UBXN4: variants seen among roughly 807,000 people sequenced by gnomAD.
The protein encoded by UBXN4 is UBX domain protein 4, also known as UBX domain-containing protein 4.
In UBXN4, 35 loss-of-function variants were observed where a neutral mutation model predicts 66.2. The observed-to-expected ratio is 0.53, with a 90% confidence interval of 0.40 to 0.70. UBXN4 has a LOEUF of 0.70. Ranked by LOEUF, UBXN4 falls within the 30% of genes least tolerant of loss-of-function variation. The pLI is 0.00. For missense variants in UBXN4, 533 were observed against 599.8 expected, an observed-to-expected ratio of 0.89 and a Z score of 1.16; for synonymous variants, 203 against 204.5, an observed-to-expected ratio of 0.99 and a Z score of 0.06.
intron 10 of UBXN4, among the ~76,000 whole-genome samples, chr2:135,776,916 T>C (rs911169314): frequency 2.0e-5 from 3 of 152,184 alleles, no homozygotes; most frequent in Admixed American, 6.5e-5. Flanking sequence ...TTTCACTGAT[T>C]AGTAGACTCA....
At chr2:135,757,077 C>G (rs1298326591) in intron 5 of UBXN4, among the ~76,000 whole-genome samples, 2 of 152,168 alleles carry the variant, frequency 1.3e-5, no homozygotes, top group African/African-American at 4.8e-5. Context: ...TAGTTTCTTA[C>G]ATCTGTAAAT....
In UBXN4 at chr2:135,766,260, T is replaced by A. The variant is rs1363984665; in HGVS notation, c.603-3509T>A. ...TCACCCAAATTAAAACAAACTTGCG[T>A]TTGTATTTCTCAGAAGAAAATTCTA... is the stretch of plus-strand genomic sequence containing the variant. On this transcript the variant is annotated intron_variant, in intron 6 of 12. Transcript: ENST00000272638. Among the ~76,000 whole-genome samples the A allele has an allele frequency of 3.3e-5, 5 of 152,184 alleles. No individual in the cohort carries two copies. In the East Asian group the frequency reaches 9.6e-4, roughly 29 times the overall value.
Position 135,770,629 on chromosome 2 carries a change from A to G in UBXN4, c.716A>G (p.Lys239Arg), listed in dbSNP as rs1033887880. ...ACTGGAAAAGAAATGTTGGATTATA[A>G]AAGAAAACAAGAAGAAGAATTAACA... ...RKTGKEMLDY[K>R]RKQEEELTKR... is the part of the protein sequence containing the mutation. The change falls in exon 8 of 13, where the codon AAA (lysine) becomes AGA (arginine). Residue 239 changes from lysine (K) to arginine (R), a missense_variant. This residue lies in a region of UBXN4 where 529 missense variants were observed against 580.1 expected (regional missense o/e 0.91). Transcript: ENST00000272638. 1 of 1,562,732 alleles carries G rather than the reference A, an allele frequency of 6.4e-7. No individual in the cohort carries two copies. Among genetic ancestry groups the G allele is most frequent in the Non-Finnish European group, 8.6e-7 (1 of 1,160,810 alleles).
At position 135,741,872 on chromosome 2, in the gene UBXN4, C is replaced by T. The variant is rs3769014; in HGVS notation, c.-58C>T. Reference sequence around the variant, plus strand: ...AGCCGGACGAAGACGGAGGGCGGAGCCGGCTTCGGGACTGCGGAGACTACA... The same window carrying T: ...AGCCGGACGAAGACGGAGGGCGGAGTCGGCTTCGGGACTGCGGAGACTACA... On this transcript the variant is annotated 5_prime_UTR_variant, in exon 1 of 13. Coordinates refer to ENST00000272638, the MANE Select transcript of UBXN4 (RefSeq NM_014607.4). 1.7e-4 allele frequency: 263 copies of T among 1,549,302 alleles called. No individual in the cohort carries two copies. In the East Asian group the frequency reaches 6.2e-3, roughly 37 times the overall value.
At position 135,765,934 on chromosome 2, in the gene UBXN4, A is replaced by G. The variant is rs958398245; in HGVS notation, c.603-3835A>G. Among the ~76,000 whole-genome samples, 12 of 151,942 alleles carry G rather than the reference A, an allele frequency of 7.9e-5. 1 individual carries two copies. In the South Asian group the frequency reaches 1.7e-3, roughly 21 times the overall value. On this transcript the variant is annotated intron_variant, in intron 6 of 12. Coordinates refer to ENST00000272638, the MANE Select transcript of UBXN4 (RefSeq NM_014607.4). ...TTGGGAGGCCGAGGTAGGTGGATCA[A>G]CTGAGGTCAGGAGTTCGAGACCAGC...
intron 6 of UBXN4, among the ~76,000 whole-genome samples, chr2:135,765,435 T>C (rs1003717977): frequency 5.9e-5 from 9 of 152,152 alleles, no homozygotes; most frequent in African/African-American, 2.2e-4. Context: ...GGTCTCGAAC[T>C]CCTGACCTCA....
intron 9 of UBXN4, among the ~76,000 whole-genome samples, chr2:135,774,528 G>A (rs1460672308): frequency 6.6e-6 from 1 of 152,006 alleles, no homozygotes; most frequent in Non-Finnish European, 1.5e-5. Flanking sequence ...TAAAACTTTC[G>A]TGCTTTGAAG....
intron 2 of UBXN4, among the ~76,000 whole-genome samples, chr2:135,749,164 C>T (rs1405994581): frequency 6.6e-6 from 1 of 152,124 alleles, no homozygotes; most frequent in African/African-American, 2.4e-5. Flanking sequence ...AGCTTTCCTA[C>T]TCTACCAAGC....
At chr2:135,768,272 C>T (rs921643644) in intron 6 of UBXN4, among the ~76,000 whole-genome samples, 5 of 152,040 alleles carry the variant, frequency 3.3e-5, no homozygotes, top group African/African-American at 1.2e-4. Context: ...CATCTCGGCT[C>T]ACTGCAACCT....
At chr2:135,774,844 CAA>C (rs757689203) in intron 9 of UBXN4, among the ~76,000 whole-genome samples, 18 of 83,540 alleles carry the variant, frequency 2.2e-4, no homozygotes, top group African/African-American at 1.7e-4. Context: ...GACTCTGTCT[CAA>C]AAAAAAAAAA....
In UBXN4 at chr2:135,755,766, T is replaced by A. The variant is rs1028537713; in HGVS notation, c.508+75T>A. The A allele has an allele frequency of 1.8e-5, 17 of 924,554 alleles. No homozygotes were observed. In the East Asian group the frequency reaches 3.4e-4, roughly 18 times the overall value. 57.3% of individuals were successfully genotyped at this position (924,554 alleles called of 1,614,324 possible). ...TTTTAATATTTAAATATTAATATTT[T>A]AAAAATATATTGTATGTATTTTTCT... On this transcript the variant is annotated intron_variant, in intron 5 of 12. Transcript: ENST00000272638.
intron 10 of UBXN4, among the ~76,000 whole-genome samples, chr2:135,778,556 A>G (rs771972664): frequency 1.3e-5 from 2 of 152,196 alleles, no homozygotes; most frequent in Admixed American, 6.5e-5. Context: ...GTCTAGTCCA[A>G]ATTCTTAATA....
chr2:135,743,349 A>G (rs1024614721), intron 1 of UBXN4, among the ~76,000 whole-genome samples: 2 of 152,248 alleles, frequency 1.3e-5, no homozygotes, highest in African/African-American at 2.4e-5. Context: ...CGTAAGGAAA[A>G]AAATGGATTG....
chr2:135,766,864 A>G lies in UBXN4; in HGVS notation c.603-2905A>G, dbSNP rs144009290. Among the ~76,000 whole-genome samples, 409 of 152,174 alleles carry G rather than the reference A, an allele frequency of 2.7e-3. 1 individual carries two copies. The highest frequency in any genetic ancestry group is 9.0e-3 in the African/African-American group (372 of 41,504). On this transcript the variant is annotated intron_variant, in intron 6 of 12. Coordinates refer to ENST00000272638, the MANE Select transcript of UBXN4 (RefSeq NM_014607.4). ...CACCCGGTGGTTTCAGCATTCATTG[A>G]TTTTTGCTGTAATCACCTATTTCAT...
intron 9 of UBXN4, among the ~76,000 whole-genome samples, chr2:135,773,235 T>G (rs2077394474): frequency 6.6e-6 from 1 of 152,142 alleles, no homozygotes; most frequent in Non-Finnish European, 1.5e-5. Context: ...GTGAATTTGG[T>G]TAGGCATAGC....
At chr2:135,781,660 T>C (rs1430273008) in intron 12 of UBXN4, among the ~76,000 whole-genome samples, 1 of 152,210 alleles carries the variant, frequency 6.6e-6, no homozygotes, top group Non-Finnish European at 1.5e-5. Flanking sequence ...TACGTTACTG[T>C]AGTGAGGACA....
chr2:135,777,823 C>CAGCA (rs1351155099), intron 10 of UBXN4, among the ~76,000 whole-genome samples: 1 of 151,134 alleles, frequency 6.6e-6, no homozygotes, highest in Non-Finnish European at 1.5e-5. Context: ...GCAGAGGTTG[C>CAGCA]AGTGAGCTGA....
rs1469996 is a variant in UBXN4 at position 135,784,990 on chromosome 2, A to G, written c.*2103A>G. 32,775 of 152,174 alleles carry G rather than the reference A, an allele frequency of 0.22. 4,010 individuals carry two copies. Among genetic ancestry groups the G allele is most frequent in the Middle Eastern group, 0.57 (165 of 292 alleles). The allele number at this position is 152,174 out of a possible 1,614,324, so 9.4% of individuals were successfully genotyped here. A position where few individuals can be genotyped will look rare whatever the true frequency, so the allele number is the denominator to read the frequency against. Reference sequence around the variant, plus strand: ...TAACAATTTCTTATGTAATTTTCAGAAAATTTGTATGCGTATATAAGCAAA... The same window carrying G: ...TAACAATTTCTTATGTAATTTTCAGGAAATTTGTATGCGTATATAAGCAAA... On this transcript the variant is annotated 3_prime_UTR_variant, in exon 13 of 13. Transcript: ENST00000272638.
intron 9 of UBXN4, 115 bp downstream of exon 9, chr2:135,772,662 A>G: frequency 7.5e-7 from 1 of 1,337,354 alleles, no homozygotes; most frequent in South Asian, 1.4e-5. Flanking sequence ...TTCCAGAGGG[A>G]CATATTAATT....
Sources: gnomAD v4.1 joint callset for allele counts (sites outside exome capture counted in the v4.1 genomes callset) on GRCh38, gnomAD v4.1.1 for gene constraint, gnomAD v4.1.1 regional missense constraint, MANE v1.5 for transcripts, NCBI Gene and HGNC (gene_info 2026-07-23, HGNC 2026-07-21) for gene names.